SPRY3: variants seen among roughly 807,000 people sequenced by gnomAD.
The protein encoded by SPRY3 is protein sprouty homolog 3.
A neutral mutation model predicts 20.2 loss-of-function variants in SPRY3; 15 were observed. The observed-to-expected ratio is 0.74, with a 90% confidence interval of 0.50 to 1.14. The LOEUF is 1.14. SPRY3 is among the 50% of genes most tolerant of loss of function. The pLI, the probability that SPRY3 is intolerant of heterozygous loss-of-function variation, is 0.00. For synonymous variants in SPRY3, 143 were observed against 136.5 expected (o/e 1.05, Z -0.33); for missense variants, 364 against 363.9 (o/e 1.00, Z 0.00).
chrX:155,739,026 C>T (rs2091187481), intron 2 of SPRY3, among the ~76,000 whole-genome samples: 1 of 152,150 alleles, frequency 6.6e-6, no homozygotes, highest in Admixed American at 6.5e-5. Context: ...AGGCAGCAGG[C>T]TGGAGACAGC....
intron 2 of SPRY3, among the ~76,000 whole-genome samples, chrX:155,754,805 T>G (rs983287693): frequency 5.3e-5 from 8 of 152,074 alleles, no homozygotes; most frequent in African/African-American, 1.9e-4. Context: ...GTCTTGTATT[T>G]TTTTGTTAAA....
intron 2 of SPRY3, among the ~76,000 whole-genome samples, chrX:155,748,937 G>A (rs1320240336): frequency 6.6e-6 from 1 of 151,572 alleles, no homozygotes. Context: ...ATCAAATTGA[G>A]TGAAAACCAA....
At chrX:155,771,206 A>G (rs2091378855) in intron 3 of SPRY3, among the ~76,000 whole-genome samples, 1 of 152,118 alleles carries the variant, frequency 6.6e-6, no homozygotes, top group Admixed American at 6.5e-5. Context: ...ACAGCTTTTC[A>G]ACCTAAACAC....
In SPRY3 at chrX:155,731,860, A is replaced by T. The variant is rs759102070; in HGVS notation, c.-281-36102A>T. Among the ~76,000 whole-genome samples, 6 of 152,196 alleles carry T rather than the reference A, an allele frequency of 3.9e-5. No individual in the cohort carries two copies. The East Asian group carries it at 1.2e-3, about 29-fold the overall frequency. On this transcript the variant is annotated intron_variant, in intron 2 of 3. Coordinates refer to ENST00000675360, the Ensembl canonical transcript of SPRY3. ...CCCTTTTCCCATTGGACTTAAGAAC[A>T]CTTGCCAACAGTGCTTGCAAGTATT... is the stretch of plus-strand genomic sequence containing the variant.
intron 2 of SPRY3, among the ~76,000 whole-genome samples, chrX:155,695,359 T>C (rs1357476887): frequency 1.2e-4 from 13 of 111,809 alleles, no homozygotes; most frequent in Non-Finnish European, 9.4e-5. Flanking sequence ...ACTCAAATTA[T>C]TGTTTTCTTC....
intron 2 of SPRY3, among the ~76,000 whole-genome samples, chrX:155,700,414 A>G (rs1305099892): frequency 9.1e-6 from 1 of 109,518 alleles, no homozygotes; most frequent in Non-Finnish European, 1.9e-5. Context: ...CAATTACCAT[A>G]TTAGCACACC....
At chrX:155,732,175 G>T (rs1300517914) in intron 2 of SPRY3, among the ~76,000 whole-genome samples, 4 of 151,942 alleles carry the variant, frequency 2.6e-5, no homozygotes, top group Non-Finnish European at 5.9e-5. Context: ...TCTGATGTTA[G>T]TTCTGTTTAG....
At chrX:155,726,811 C>T (rs140033563) in intron 2 of SPRY3, among the ~76,000 whole-genome samples, 3,582 of 152,170 alleles carry the variant, frequency 0.024, 122 homozygotes, top group African/African-American at 0.08. Context: ...GGGCATTTAG[C>T]CCATTTACAT....
At chrX:155,755,422 G>T (rs1411547656) in intron 2 of SPRY3, among the ~76,000 whole-genome samples, 1 of 152,038 alleles carries the variant, frequency 6.6e-6, no homozygotes, top group Non-Finnish European at 1.5e-5. Context: ...TGGCATGGGA[G>T]TTGAGGGTAT....
At chrX:155,769,940 C>G (rs1267478170) in intron 3 of SPRY3, among the ~76,000 whole-genome samples, 9 of 152,080 alleles carry the variant, frequency 5.9e-5, no homozygotes, top group Non-Finnish European at 8.8e-5. Flanking sequence ...GCTTTTTGCA[C>G]AGAGAGGGAT....
At chrX:155,732,001 C>T (rs1334350831) in intron 2 of SPRY3, among the ~76,000 whole-genome samples, 5 of 151,890 alleles carry the variant, frequency 3.3e-5, no homozygotes, top group Non-Finnish European at 5.9e-5. Context: ...ATGGTATTTC[C>T]GTTTACAAAA....
At position 155,700,609 on chromosome X, in the gene SPRY3, T is replaced by G. The variant is rs1199658314; in HGVS notation, c.-282+43584T>G. Among the ~76,000 whole-genome samples the G allele has an allele frequency of 8.1e-5, 7 of 86,597 alleles. 1 individual carries two copies. The highest frequency in any genetic ancestry group is 3.8e-4 in the African/African-American group (7 of 18,344). The allele number at this position is 86,597 out of a possible 115,157, so 75.2% of individuals were successfully genotyped here. A position where few individuals can be genotyped will look rare whatever the true frequency, so the allele number is the denominator to read the frequency against. On this transcript the variant is annotated intron_variant, in intron 2 of 3. Transcript: ENST00000675360. ...AATACTATTCAGCCATAAAAAGGAATGAAGTTCTTTTTTTTTTTTTTTTTA... is the reference window on the plus strand; with the variant it reads ...AATACTATTCAGCCATAAAAAGGAAGGAAGTTCTTTTTTTTTTTTTTTTTA...
intron 1 of SPRY3, among the ~76,000 whole-genome samples, chrX:155,641,644 G>C (rs990678843): frequency 6.1e-5 from 7 of 115,022 alleles, no homozygotes; most frequent in Non-Finnish European, 9.3e-5. Context: ...GAGAAACAAA[G>C]ACAATTAACA....
chrX:155,768,375 A>C (rs1335382821), intron 3 of SPRY3, among the ~76,000 whole-genome samples: 1 of 152,202 alleles, frequency 6.6e-6, no homozygotes, highest in East Asian at 1.9e-4. Flanking sequence ...ATAGGACTTC[A>C]AAATAATATT....
intron 2 of SPRY3, among the ~76,000 whole-genome samples, chrX:155,708,836 A>C (rs1329889925): frequency 2.0e-5 from 3 of 151,360 alleles, no homozygotes; most frequent in Non-Finnish European, 3.0e-5. Flanking sequence ...CAAATACTAG[A>C]AGTTACTCAT....
intron 1 of SPRY3, among the ~76,000 whole-genome samples, chrX:155,644,609 C>G (rs782008518): frequency 9.0e-6 from 1 of 111,105 alleles, no homozygotes; most frequent in East Asian, 2.9e-4. Context: ...GGAGCCTCAC[C>G]TTATGGCCAC....
chrX:155,635,248 G>A (rs1156238124), intron 1 of SPRY3, among the ~76,000 whole-genome samples: 1 of 111,348 alleles, frequency 9.0e-6, no homozygotes, highest in East Asian at 2.8e-4. Context: ...AGTATTCCAT[G>A]GTGTGTATGT....
intron 2 of SPRY3, among the ~76,000 whole-genome samples, chrX:155,766,237 C>T (rs1235770922): frequency 1.3e-5 from 2 of 152,120 alleles, no homozygotes; most frequent in Non-Finnish European, 2.9e-5. Flanking sequence ...GCATGCAGAC[C>T]CACACAGCCG....
At chrX:155,766,375 A>G (rs776623659) in intron 2 of SPRY3, among the ~76,000 whole-genome samples, 32 of 152,314 alleles carry the variant, frequency 2.1e-4, no homozygotes, top group Non-Finnish European at 3.2e-4. Context: ...TAATGTAAAA[A>G]TTGACACTCT....
Sources: gnomAD v4.1 joint callset for allele counts (sites outside exome capture counted in the v4.1 genomes callset) on GRCh38, gnomAD v4.1.1 for gene constraint, MANE v1.5 for transcripts, NCBI Gene and HGNC (gene_info 2026-07-23, HGNC 2026-07-21) for gene names.